The following ATF6 variants were observed in gnomAD, a reference collection of about 807,000 sequenced individuals.
ATF6 encodes cyclic AMP-dependent transcription factor ATF-6 alpha.
ATF6 carries 53 observed loss-of-function variants against 83.6 expected under a neutral mutation model. That is an observed-to-expected ratio of 0.63 (90% CI 0.51 to 0.80). The LOEUF is 0.80. ATF6 is among the 30% of genes least tolerant of loss of function. The probability of loss-of-function intolerance (pLI) is 0.00; values close to 1 mark genes in which losing one functional copy is unlikely to be tolerated. For synonymous variants in ATF6, 288 were observed against 285.8 expected (o/e 1.01, Z -0.08); for missense variants, 744 against 797.9 (o/e 0.93, Z 0.81).
chr1:161,887,282 G>A (rs1309196143), intron 14 of ATF6, among the ~76,000 whole-genome samples: 3 of 151,414 alleles, frequency 2.0e-5, no homozygotes, highest in Non-Finnish European at 2.9e-5. Flanking sequence ...GTTTCACCAT[G>A]TTGGCCAGTC....
intron 15 of ATF6, among the ~76,000 whole-genome samples, chr1:161,926,407 G>A (rs886750665): frequency 6.6e-6 from 1 of 152,136 alleles, no homozygotes; most frequent in Admixed American, 6.6e-5. Context: ...GTTGACTGGG[G>A]CTGAAGACTT....
At chr1:161,907,129 AC>A (rs1687892431) in intron 14 of ATF6, among the ~76,000 whole-genome samples, 1 of 152,198 alleles carries the variant, frequency 6.6e-6, no homozygotes, top group South Asian at 2.1e-4. Context: ...CTACTAGAAA[AC>A]AACACTAGTG....
At chr1:161,785,661 C>T (rs1021916447) in intron 4 of ATF6, among the ~76,000 whole-genome samples, 1 of 152,076 alleles carries the variant, frequency 6.6e-6, no homozygotes, top group Non-Finnish European at 1.5e-5. Flanking sequence ...TAACCTGGTA[C>T]ATAAGTCACT....
At chr1:161,824,784 G>A (rs577645573) in intron 9 of ATF6, among the ~76,000 whole-genome samples, 1 of 152,238 alleles carries the variant, frequency 6.6e-6, no homozygotes, top group South Asian at 2.1e-4. Context: ...CAGACATACA[G>A]CAAATATTTA....
chr1:161,771,537 GT>G (rs1450430013), intron 1 of ATF6, among the ~76,000 whole-genome samples: 2 of 152,112 alleles, frequency 1.3e-5, no homozygotes, highest in African/African-American at 2.4e-5. Flanking sequence ...AAATATCTAA[GT>G]TGAAATCTCA....
chr1:161,777,403 G>T (rs895125494), intron 1 of ATF6, among the ~76,000 whole-genome samples: 1 of 152,130 alleles, frequency 6.6e-6, no homozygotes, highest in Non-Finnish European at 1.5e-5. Flanking sequence ...AATTGGTCAG[G>T]TTAATAACAG....
At chr1:161,859,691 G>GC (rs1686839641) in intron 12 of ATF6, among the ~76,000 whole-genome samples, 1 of 152,120 alleles carries the variant, frequency 6.6e-6, no homozygotes, top group Non-Finnish European at 1.5e-5. Flanking sequence ...GCATATGTGG[G>GC]CCACTAATGG....
At chr1:161,914,321 C>T (rs1688048063) in intron 15 of ATF6, among the ~76,000 whole-genome samples, 1 of 152,142 alleles carries the variant, frequency 6.6e-6, no homozygotes, top group Admixed American at 6.5e-5. Flanking sequence ...CCCACTACAA[C>T]TTTCAAATTA....
chr1:161,939,661 G>C (rs1688606259), intron 15 of ATF6, among the ~76,000 whole-genome samples: 1 of 152,204 alleles, frequency 6.6e-6, no homozygotes, highest in Admixed American at 6.5e-5. Flanking sequence ...TCTGGTCCCA[G>C]ATGGCTGCTT....
Position 161,821,154 on chromosome 1 carries a change from C to G in ATF6, c.1180C>G (p.Pro394Ala). 1 of 1,597,040 alleles carries G rather than the reference C, an allele frequency of 6.3e-7. No individual in the cohort carries two copies. Among genetic ancestry groups the G allele is most frequent in the South Asian group, 1.1e-5 (1 of 88,620 alleles). ...VLAFIILNYG[P>A]MSMLEQDSRR... Reference sequence around the variant, plus strand: ...GGCATTTATAATACTGAACTATGGACCTATGAGGTAAGTGAATAGATATTT... The same window carrying G: ...GGCATTTATAATACTGAACTATGGAGCTATGAGGTAAGTGAATAGATATTT... Residue 394 changes from proline (P) to alanine (A), a missense_variant, in exon 9 of 16, where the codon CCT becomes GCT. Pro to Ala is a conservative substitution (Grantham distance 27). Transcript: ENST00000367942.
Position 161,962,208 on chromosome 1 carries a change from G to T in ATF6, c.*3554G>T, listed in dbSNP as rs1689114555. ...TTGCCAGTAAGAAGTTGACACGGAGGTATTTGAAAGCAATGTTATGTGAGT... is the reference window on the plus strand; with the variant it reads ...TTGCCAGTAAGAAGTTGACACGGAGTTATTTGAAAGCAATGTTATGTGAGT... On this transcript the variant is annotated 3_prime_UTR_variant, in exon 16 of 16. Coordinates refer to ENST00000367942, the MANE Select transcript of ATF6 (RefSeq NM_007348.4). The T allele has an allele frequency of 6.6e-6, 1 of 152,056 alleles. No homozygotes were observed. The highest frequency in any genetic ancestry group is 2.4e-5 in the African/African-American group (1 of 41,384). 9.4% of individuals were successfully genotyped at this position (152,056 alleles called of 1,614,324 possible). A position where few individuals can be genotyped will look rare whatever the true frequency, so the allele number is the denominator to read the frequency against.
rs377538196 is a variant in ATF6 at position 161,849,591 on chromosome 1, C to T, written c.1320-2131C>T. ...TGTGTTACTATGGTTTTTTAGTTTC[C>T]TTTTTTTATTGGCTGCTGCTTCACA... On this transcript the variant is annotated intron_variant, in intron 10 of 15. Coordinates refer to ENST00000367942, the MANE Select transcript of ATF6 (RefSeq NM_007348.4). 1.2e-4 allele frequency among the ~76,000 whole-genome samples: 18 copies of T among 152,098 alleles called. No individual in the cohort carries two copies. In the South Asian group the frequency reaches 2.5e-3, roughly 21 times the overall value.
chr1:161,813,735 ATTTATT>A (rs1049232048), intron 7 of ATF6, among the ~76,000 whole-genome samples: 11 of 152,012 alleles, frequency 7.2e-5, no homozygotes, highest in African/African-American at 1.9e-4. Context: ...AGGTGACGTG[ATTTATT>A]TTTATTTTTA....
intron 9 of ATF6, among the ~76,000 whole-genome samples, chr1:161,835,751 A>G (rs1686197643): frequency 6.6e-6 from 1 of 152,144 alleles, no homozygotes; most frequent in Non-Finnish European, 1.5e-5. Context: ...ATAATCTGTG[A>G]AGGGAACTTC....
At chr1:161,866,096 A>G (rs926887349) in intron 14 of ATF6, among the ~76,000 whole-genome samples, 5 of 152,232 alleles carry the variant, frequency 3.3e-5, no homozygotes, top group African/African-American at 9.6e-5. Context: ...GGCAGAAATT[A>G]TTATAATTGA....
intron 15 of ATF6, among the ~76,000 whole-genome samples, chr1:161,920,292 C>CTTTTTTTTTTTTTTT (rs1322896918): frequency 1.3e-3 from 26 of 19,782 alleles, no homozygotes; most frequent in East Asian, 5.6e-3. Context: ...CTCTCTCTCT[C>CTTTTTTTTTTTTTTT]TCTTTTTTTT....
rs528650588 is a variant in ATF6, at chr1:161,913,786, A to C, written c.1804+1406A>C. Among the ~76,000 whole-genome samples, 6 of 152,314 alleles carry C rather than the reference A, an allele frequency of 3.9e-5. No individual in the cohort carries two copies. In the South Asian group the frequency reaches 1.0e-3, roughly 26 times the overall value. On this transcript the variant is annotated intron_variant, in intron 15 of 15. Transcript: ENST00000367942. ...TATAGGTACCTAAGTTTCTCTGCCTAAACTAGAATAGACCAAAGGGTCAGC... is the reference window on the plus strand; with the variant it reads ...TATAGGTACCTAAGTTTCTCTGCCTCAACTAGAATAGACCAAAGGGTCAGC...
At chr1:161,814,592 T>G (rs1025137369) in intron 7 of ATF6, among the ~76,000 whole-genome samples, 1 of 152,216 alleles carries the variant, frequency 6.6e-6, no homozygotes, top group African/African-American at 2.4e-5. Context: ...GTATGAAGCT[T>G]CTTTAATTTT....
rs11304307 is a variant in ATF6, at chr1:161,894,227, G to GTT, written c.1720-18053_1720-18052dup. 9.1e-3 allele frequency among the ~76,000 whole-genome samples: 1,126 copies of GTT among 124,008 alleles called. 8 individuals are homozygous for GTT. Among genetic ancestry groups the GTT allele is most frequent in the African/African-American group, 0.013 (472 of 35,440 alleles). 81.4% of individuals were successfully genotyped at this position (124,008 alleles called of 152,430 possible). On this transcript the variant is annotated intron_variant, in intron 14 of 15. Coordinates refer to ENST00000367942, the MANE Select transcript of ATF6 (RefSeq NM_007348.4). ...AAGATGGCAGCTGAATTGAGCAGGTGTTTTTTTTTTTTTTTTTAAGAAATG... is the reference window on the plus strand; with the variant it reads ...AAGATGGCAGCTGAATTGAGCAGGTGTTTTTTTTTTTTTTTTTTTAAGAAATG...
Sources: gnomAD v4.1 joint callset for allele counts (sites outside exome capture counted in the v4.1 genomes callset) on GRCh38, gnomAD v4.1.1 for gene constraint, MANE v1.5 for transcripts, NCBI Gene and HGNC (gene_info 2026-07-23, HGNC 2026-07-21) for gene names.